The following ZBED4 variants were observed in gnomAD, a reference collection of about 807,000 sequenced individuals.
The protein encoded by ZBED4 is zinc finger BED-type containing 4.
A neutral mutation model predicts 15.5 loss-of-function variants in ZBED4; 4 were observed. The observed-to-expected ratio is 0.26, with a 90% CI of 0.13 to 0.59. The LOEUF (loss-of-function observed/expected upper bound fraction) is 0.59. Among genes scored for constraint, ZBED4 ranks in the 20% least tolerant of loss-of-function variants. The pLI is 0.90. For synonymous variants in ZBED4, 692 were observed against 608.5 expected, an observed-to-expected ratio of 1.14 and a Z score of -2.02; for missense variants, 1,323 against 1,461.8, an observed-to-expected ratio of 0.91 and a Z score of 1.55.
intron 1 of ZBED4, among the ~76,000 whole-genome samples, chr22:49,876,748 G>A (rs1056920033): frequency 6.6e-6 from 1 of 151,850 alleles, no homozygotes; most frequent in African/African-American, 2.4e-5. Context: ...CTTCTGCATT[G>A]CTCGAGTATA....
chr22:49,886,028 A>G lies in ZBED4; in HGVS notation c.2366A>G (p.Glu789Gly). 1.5e-6 allele frequency: 1 copy of G among 686,746 alleles called. No individual in the cohort carries two copies. The highest frequency in any genetic ancestry group is 2.7e-6 in the Non-Finnish European group (1 of 374,058). 42.5% of individuals were successfully genotyped at this position (686,746 alleles called of 1,614,324 possible). A position where few individuals can be genotyped will look rare whatever the true frequency, so the allele number is the denominator to read the frequency against. The stretch of plus-strand genomic sequence containing the variant: ...GGCAACAGCATTCAGAAGCAGCTGG[A>G]GTGCTGGTGGGAAGCGTGGGTGACC... ...YSGNSIQKQL[E>G]CWWEAWVTST... Residue 789 changes from glutamate (E) to glycine (G), a missense_variant, in exon 2 of 2, where the codon GAG becomes GGG. Coordinates refer to ENST00000216268, the MANE Select transcript of ZBED4 (RefSeq NM_014838.3). The surrounding 1 kb of genome is among the most constrained non-coding windows in gnomAD (Gnocchi z 7.7).
rs1282128519 is a variant in ZBED4, at chr22:49,885,636, C to A, written c.1974C>A (p.Ile658=). Residue 658 remains isoleucine (I), a synonymous_variant, in exon 2 of 2, where the codon ATC becomes ATA. Transcript: ENST00000216268. The part of the protein sequence containing the change: ...FYDSHPVAKK[I]TSLIAEMIAL... ...ATTCTCACCCAGTTGCCAAAAAAATCACAAGTCTCATAGCTGAAATGATTG... is the reference window on the plus strand; with the variant it reads ...ATTCTCACCCAGTTGCCAAAAAAATAACAAGTCTCATAGCTGAAATGATTG... 6.2e-7 allele frequency: 1 copy of A among 1,612,024 alleles called. No homozygotes were observed. The highest frequency in any genetic ancestry group is 1.7e-5 in the Admixed American group (1 of 59,858).
At chr22:49,883,157 AT>A (rs1245258541) in intron 1 of ZBED4, among the ~76,000 whole-genome samples, 176 bp from the exon 2 acceptor site, 2 of 152,068 alleles carry the variant, frequency 1.3e-5, no homozygotes, top group African/African-American at 4.8e-5. Context: ...TTATTTTGCA[AT>A]TTGGGGGTAT....
chr22:49,878,319 A>AAAAG (rs2060388826), intron 1 of ZBED4, among the ~76,000 whole-genome samples: 3 of 151,192 alleles, frequency 2.0e-5, no homozygotes, highest in African/African-American at 2.4e-5. Flanking sequence ...AAAAAAAAAA[A>AAAAG]GTCTTCATAC....
At position 49,889,264 on chromosome 22, in the gene ZBED4, A is replaced by G. The variant is rs2060455963; in HGVS notation, c.*2086A>G. The G allele has an allele frequency of 1.2e-5, 2 of 167,058 alleles. No homozygotes were observed. Among genetic ancestry groups the G allele is most frequent in the African/African-American group, 4.8e-5 (2 of 41,444 alleles). 10.3% of individuals were successfully genotyped at this position (167,058 alleles called of 1,614,324 possible). A position where few individuals can be genotyped will look rare whatever the true frequency, so the allele number is the denominator to read the frequency against. On this transcript the variant is annotated 3_prime_UTR_variant, in exon 2 of 2. Coordinates refer to ENST00000216268, the MANE Select transcript of ZBED4 (RefSeq NM_014838.3). ...GCACTCTGCCCATTTTTCTAAGTGA[A>G]ATTTTCTTGGAATACAGTCACAGCT... is the stretch of plus-strand genomic sequence containing the variant.
chr22:49,861,813 G>C (rs1333080392), intron 1 of ZBED4, among the ~76,000 whole-genome samples: 1 of 152,190 alleles, frequency 6.6e-6, no homozygotes, highest in African/African-American at 2.4e-5. Flanking sequence ...CCTTTGCCGT[G>C]GGATGCCGCT....
chr22:49,877,896 T>C (rs1272747650), intron 1 of ZBED4, among the ~76,000 whole-genome samples: 1 of 152,226 alleles, frequency 6.6e-6, no homozygotes, highest in Non-Finnish European at 1.5e-5. Flanking sequence ...GTGTTGCGTG[T>C]ATCCATTCAT....
intron 1 of ZBED4, among the ~76,000 whole-genome samples, chr22:49,875,856 A>G (rs1489050262): frequency 1.3e-5 from 2 of 151,054 alleles, no homozygotes; most frequent in African/African-American, 4.9e-5. Context: ...TGTCTTCTCC[A>G]TTTTTTTCTC....
At chr22:49,880,142 T>C (rs6009338) in intron 1 of ZBED4, among the ~76,000 whole-genome samples, 25,392 of 152,060 alleles carry the variant, frequency 0.17, 5,335 homozygotes, top group African/African-American at 0.5. Flanking sequence ...GCGTTTAAGC[T>C]GTGTTCGGGT....
At chr22:49,878,406 C>T (rs561809747) in intron 1 of ZBED4, among the ~76,000 whole-genome samples, 2 of 151,770 alleles carry the variant, frequency 1.3e-5, no homozygotes, top group South Asian at 2.1e-4. Flanking sequence ...GTATAAACAC[C>T]GAAGAAGAGA....
chr22:49,868,606 C>T (rs192275285), intron 1 of ZBED4, among the ~76,000 whole-genome samples: 80 of 152,108 alleles, frequency 5.3e-4, no homozygotes, highest in Non-Finnish European at 8.4e-4. Flanking sequence ...TGAAAACTGA[C>T]CCAAGAAACT....
chr22:49,873,741 C>T (rs1275491183), intron 1 of ZBED4, among the ~76,000 whole-genome samples: 1 of 152,150 alleles, frequency 6.6e-6, no homozygotes, highest in African/African-American at 2.4e-5. Flanking sequence ...CACCCTGCAG[C>T]CCCAAGAAAG....
chr22:49,883,727 T>G lies in ZBED4; in HGVS notation c.65T>G (p.Phe22Cys). Residue 22 changes from phenylalanine (F) to cysteine (C), a missense_variant, in exon 2 of 2, where the codon TTT becomes TGT. By Grantham distance (205) the Phe-to-Cys change is radical (BLOSUM62 -2). This residue lies in a region of ZBED4 where 380 missense variants were observed against 413.7 expected (regional missense o/e 0.92). Transcript: ENST00000216268. ...DGDFVSDKIK[F>C]KIEEEDDDGI... ...GATTTCGTTTCTGATAAAATAAAGT[T>G]TAAAATAGAAGAGGAAGATGATGAT... 1 of 1,609,182 alleles carries G rather than the reference T, an allele frequency of 6.2e-7. No individual in the cohort carries two copies. Among genetic ancestry groups the G allele is most frequent in the Middle Eastern group, 1.7e-4 (1 of 6,042 alleles).
chr22:49,867,987 G>A lies in ZBED4; in HGVS notation c.-330+13998G>A, dbSNP rs1322075537. On this transcript the variant is annotated intron_variant, in intron 1 of 1. Transcript: ENST00000216268. ...TGTCACACCGTATGTTGTTAGCCTA[G>A]GAAAAGATCAACATTCAGAATTCAA... Among the ~76,000 whole-genome samples, 10 of 152,170 alleles carry A rather than the reference G, an allele frequency of 6.6e-5. No homozygotes were observed. The East Asian group carries it at 1.2e-3, about 18-fold the overall frequency.
rs965197679 is a variant in ZBED4, at chr22:49,884,420, G to T, written c.758G>T (p.Gly253Val). 1 of 1,613,860 alleles carries T rather than the reference G, an allele frequency of 6.2e-7. No individual in the cohort carries two copies. The highest frequency in any genetic ancestry group is 8.5e-7 in the Non-Finnish European group (1 of 1,179,890). The change falls in exon 2 of 2, where the codon GGG becomes GTG. Residue 253 changes from glycine to valine, a missense_variant. Coordinates refer to ENST00000216268, the MANE Select transcript of ZBED4 (RefSeq NM_014838.3). ...TGCGGCAGAGAAGAAGCCCTGGTGG[G>T]GTCGTCTCCCCACCTCCCTGCTCTC... is the stretch of plus-strand genomic sequence containing the variant. The part of the protein sequence containing the change: ...EKCGREEALV[G>V]SSPHLPALHY...
At chr22:49,853,822 C>T (rs1294233678), upstream of ZBED4, 1 of 145,734 alleles carries the variant, frequency 6.9e-6, no homozygotes, top group East Asian at 2.0e-4. Flanking sequence ...CGCCCCGCGC[C>T]GCGCGGGGCC....
intron 1 of ZBED4, among the ~76,000 whole-genome samples, chr22:49,871,762 T>A (rs199636965): frequency 0.089 from 13,330 of 149,238 alleles, 1,827 homozygotes; most frequent in African/African-American, 0.29. Flanking sequence ...TATTTATTTT[T>A]TTTTTTTTTT....
intron 1 of ZBED4, among the ~76,000 whole-genome samples, chr22:49,867,948 A>G (rs1013019322): frequency 2.0e-5 from 3 of 152,242 alleles, no homozygotes; most frequent in Admixed American, 1.3e-4. Flanking sequence ...AGTGTTGAAT[A>G]TCTCATGTAA....
chr22:49,883,837 G>A lies in ZBED4; in HGVS notation c.175G>A (p.Ala59Thr). 1.9e-6 allele frequency: 3 copies of A among 1,611,416 alleles called. No homozygotes were observed. The highest frequency in any genetic ancestry group is 2.5e-6 in the Non-Finnish European group (3 of 1,177,770). ...MKQTDSGGER[A>T]GLGGTGCSCK... is the part of the protein sequence containing the mutation. ...GCAGACAGACAGCGGTGGGGAGCGA[G>A]CGGGCCTCGGTGGGACGGGTTGCAG... Residue 59 changes from alanine to threonine, a missense_variant, in exon 2 of 2, where the codon GCG becomes ACG. Ala to Thr is a moderately conservative substitution (Grantham distance 58, BLOSUM62 0). Transcript: ENST00000216268.
Sources: gnomAD v4.1 joint callset for allele counts (sites outside exome capture counted in the v4.1 genomes callset) on GRCh38, gnomAD v4.1.1 for gene constraint, gnomAD v4.1.1 regional missense constraint, Gnocchi (gnomAD v3.1) non-coding constraint, MANE v1.5 for transcripts, NCBI Gene and HGNC (gene_info 2026-07-23, HGNC 2026-07-21) for gene names.